SHC2: variants seen among roughly 807,000 people sequenced by gnomAD.
The protein encoded by SHC2 is SHC adaptor protein 2.
Under a neutral mutation model 60.6 loss-of-function variants are expected in SHC2, and 62 were observed. The observed-to-expected ratio is 1.02, with a 90% CI of 0.83 to 1.26. The LOEUF (loss-of-function observed/expected upper bound fraction) is 1.26, where lower values mean the gene tolerates loss of function less well. Among genes scored for constraint, SHC2 ranks in the 50% most tolerant of loss-of-function variants. The pLI is 0.00. For synonymous variants in SHC2, 375 were observed against 372.4 expected (o/e 1.01, Z -0.08); for missense variants, 873 against 822.2 (o/e 1.06, Z -0.76).
Position 445,299 on chromosome 19 carries a change from A to G in SHC2, c.469-4367T>C, listed in dbSNP as rs1250924701. ...CCTCAGGACTGGGATCAGTGCCCTT[A>G]TAAAAGAGACCCCAGACAGAGCCCA... On this transcript the variant is annotated intron_variant, in intron 1 of 12. Coordinates refer to ENST00000264554, the MANE Select transcript of SHC2 (RefSeq NM_012435.3). The surrounding 1 kb of genome is among the most constrained non-coding windows in gnomAD (Gnocchi z 4.4). 6.6e-6 allele frequency among the ~76,000 whole-genome samples: 1 copy of G among 152,158 alleles called. No homozygotes were observed. Among genetic ancestry groups the G allele is most frequent in the Non-Finnish European group, 1.5e-5 (1 of 68,032 alleles).
rs145912247 is a variant in SHC2, at chr19:456,682, G to A, written c.468+3847C>T. ...CACACGCACCAGGTCCGCTCCCTGC[G>A]TGGGGCCTTTGCACCTGCTGTGCCC... On this transcript the variant is annotated intron_variant, in intron 1 of 12. Coordinates refer to ENST00000264554, the MANE Select transcript of SHC2 (RefSeq NM_012435.3). 4.4e-3 allele frequency among the ~76,000 whole-genome samples: 646 copies of A among 145,644 alleles called. 4 individuals carry two copies. The highest frequency in any genetic ancestry group is 0.016 in the African/African-American group (605 of 38,314).
At chr19:444,115 G>C (rs1489799577) in intron 1 of SHC2, among the ~76,000 whole-genome samples, 1 of 151,798 alleles carries the variant, frequency 6.6e-6, no homozygotes, top group South Asian at 2.1e-4. Flanking sequence ...TGGATGGTTG[G>C]ATGGGTGGAC....
rs769333002 is a variant in SHC2 at position 422,157 on chromosome 19, G to C, written c.1609C>G (p.Pro537Ala). Residue 537 changes from proline (P) to alanine (A), a missense_variant, in exon 11 of 13, where the codon CCC becomes GCC. By Grantham distance (27) the Pro-to-Ala change is conservative. Transcript: ENST00000264554. This position sits in a 1 kb window ranked among gnomAD's most constrained non-coding sequence, Gnocchi z 5.0. Reference protein sequence around the residue: ...GQPKHLLLVDPEGVVRTKDVL... With the variant: ...GQPKHLLLVDAEGVVRTKDVL... ...TGTGCACAGCTTACCACGCCCTCGG[G>C]GTCCACGAGCAGCAGGTGCTTGGGC... The C allele has an allele frequency of 6.2e-7, 1 of 1,609,304 alleles. No homozygotes were observed. The highest frequency in any genetic ancestry group is 1.7e-5 in the Admixed American group (1 of 59,758).
In SHC2 at chr19:440,932, A is replaced by C; in HGVS notation, c.469T>G (p.Tyr157Asp). ...CGGAGAACCTCGATGCAGCCCATGT[A>C]CTGAGGGGAGAGAACAGGTGTCAGA... ...LGPGVSYVVR[Y>D]MGCIEVLRSM... The change falls in exon 2 of 13, where the codon TAC becomes GAC. Residue 157 changes from tyrosine (Y) to aspartate (D), a missense_variant and splice_region_variant. Physicochemically the swap from Tyr to Asp is radical, Grantham distance 160. Transcript: ENST00000264554. The surrounding 1 kb of genome is among the most constrained non-coding windows in gnomAD (Gnocchi z 7.0). The C allele has an allele frequency of 6.2e-7, 1 of 1,612,504 alleles. No homozygotes were observed. Among genetic ancestry groups the C allele is most frequent in the Non-Finnish European group, 8.5e-7 (1 of 1,179,496 alleles).
At chr19:428,901 T>C (rs1225577193) in intron 9 of SHC2, among the ~76,000 whole-genome samples, 2 of 150,656 alleles carry the variant, frequency 1.3e-5, no homozygotes, top group African/African-American at 4.9e-5. Context: ...ACGCAGTACC[T>C]ATATCCCAAC....
chr19:419,297 G>A (rs1974219493), intron 11 of SHC2: 1 of 480,806 alleles, frequency 2.1e-6, no homozygotes, highest in Non-Finnish European at 3.7e-6. Flanking sequence ...GAGCTGAAAG[G>A]TGACCGCGGG....
intron 9 of SHC2, among the ~76,000 whole-genome samples, chr19:430,237 A>G (rs570581062): frequency 6.0e-5 from 9 of 150,840 alleles, no homozygotes; most frequent in Non-Finnish European, 1.0e-4. Flanking sequence ...ATGTATATCC[A>G]ACGTGCACGG....
At chr19:457,211 C>T (rs112841465) in intron 1 of SHC2, among the ~76,000 whole-genome samples, 5 of 122,612 alleles carry the variant, frequency 4.1e-5, no homozygotes, top group Non-Finnish European at 6.8e-5. Flanking sequence ...GTCTGCAAAC[C>T]CCACCACATC....
rs1974777543 is a variant in SHC2 at position 438,723 on chromosome 19, GCGTGGC to G, written c.709_714del (p.Ala237_Thr238del). On this transcript the variant is annotated inframe_deletion, in exon 4 of 13. Coordinates refer to ENST00000264554, the MANE Select transcript of SHC2 (RefSeq NM_012435.3). This position sits in a 1 kb window ranked among gnomAD's most constrained non-coding sequence, Gnocchi z 5.0. ...GGCGAAGAGGGCAGACCCACCTGGC[GCGTGGC>G]AGGCACGGAGAGGCTGAGGCCATCA... 1 of 1,557,978 alleles carries G rather than the reference GCGTGGC, an allele frequency of 6.4e-7. No homozygotes were observed. The highest frequency in any genetic ancestry group is 8.7e-7 in the Non-Finnish European group (1 of 1,151,990).
At chr19:437,011 A>C (rs570016174) in intron 4 of SHC2, among the ~76,000 whole-genome samples, 3 of 151,842 alleles carry the variant, frequency 2.0e-5, no homozygotes, top group South Asian at 2.1e-4. Context: ...ACACACACAC[A>C]CCCCAAGCCC....
intron 12 of SHC2, among the ~76,000 whole-genome samples, chr19:417,591 A>G (rs1974182609): frequency 6.6e-6 from 1 of 152,216 alleles, no homozygotes; most frequent in Non-Finnish European, 1.5e-5. Flanking sequence ...TCAGAACCGA[A>G]GGGTTGAGCA....
rs1218632658 is a variant in SHC2 at position 440,628 on chromosome 19, C to T, written c.539+234G>A. Among the ~76,000 whole-genome samples, 2 of 152,176 alleles carry T rather than the reference C, an allele frequency of 1.3e-5. No homozygotes were observed. Among genetic ancestry groups the T allele is most frequent in the East Asian group, 1.9e-4 (1 of 5,178 alleles). The stretch of plus-strand genomic sequence containing the variant: ...ACTTGCCCAGCACCCTGTGAGCGAC[C>T]GGCGTGTTCTTTCCATCTTAGAGGA... On this transcript the variant is annotated intron_variant, in intron 2 of 12. Coordinates refer to ENST00000264554, the MANE Select transcript of SHC2 (RefSeq NM_012435.3). This position sits in a 1 kb window ranked among gnomAD's most constrained non-coding sequence, Gnocchi z 7.0.
rs1974369518 is a variant in SHC2 at position 424,870 on chromosome 19, G to A, written c.1309+227C>T. 6.6e-6 allele frequency among the ~76,000 whole-genome samples: 1 copy of A among 152,176 alleles called. No individual in the cohort carries two copies. The highest frequency in any genetic ancestry group is 1.5e-5 in the Non-Finnish European group (1 of 68,030). ...GAGAATGGGCCTCCCCTGTCAGACT[G>A]GCCCCTTTTAAGGCAGAGTCCAGGA... is the stretch of plus-strand genomic sequence containing the variant. On this transcript the variant is annotated intron_variant, in intron 10 of 12. Coordinates refer to ENST00000264554, the MANE Select transcript of SHC2 (RefSeq NM_012435.3). This position sits in a 1 kb window ranked among gnomAD's most constrained non-coding sequence, Gnocchi z 4.5.
chr19:436,610 A>AC lies in SHC2; in HGVS notation c.774+19dup. On this transcript the variant is annotated intron_variant, in intron 5 of 12. Coordinates refer to ENST00000264554, the MANE Select transcript of SHC2 (RefSeq NM_012435.3). ...AGGGGGGCGGCAGGGCTGCAGGTCC[A>AC]CCCCCATCCCTGGCCTCACCGTGTC... The AC allele has an allele frequency of 1.2e-6, 2 of 1,600,362 alleles. No homozygotes were observed. Among genetic ancestry groups the AC allele is most frequent in the South Asian group, 2.2e-5 (2 of 89,624 alleles).
chr19:454,190 G>A (rs1204397026), intron 1 of SHC2, among the ~76,000 whole-genome samples: 1 of 152,238 alleles, frequency 6.6e-6, no homozygotes, highest in Non-Finnish European at 1.5e-5. Context: ...CAACAGCACA[G>A]GCCACACCTC....
Position 441,098 on chromosome 19 carries a change from C to A in SHC2, c.469-166G>T. ...TGCCTCCCCCACCTCAAGGCCCAGC[C>A]TTGACACTGTCCTGCGAGCCGCCCC... On this transcript the variant is annotated intron_variant, in intron 1 of 12. Transcript: ENST00000264554. The surrounding 1 kb of genome is among the most constrained non-coding windows in gnomAD (Gnocchi z 4.9). 1 of 984,272 alleles carries A rather than the reference C, an allele frequency of 1.0e-6. No individual in the cohort carries two copies. The highest frequency in any genetic ancestry group is 1.1e-4 in the East Asian group (1 of 8,734). 61.0% of individuals were successfully genotyped at this position (984,272 alleles called of 1,614,324 possible).
rs572911013 is a variant in SHC2, at chr19:419,038, G to A, written c.1639C>T (p.Leu547=). Residue 547 remains leucine, a synonymous_variant, in exon 12 of 13, where the codon CTG becomes TTG. Transcript: ENST00000264554. ...PEGVVRTKDV[L]FESISHLIDH... is the part of the protein sequence containing the mutation. ...ATCAGGTGGCTGATGCTCTCAAACA[G>A]CACGTCCTTCGTCCGTACCTGCGGG... is the stretch of plus-strand genomic sequence containing the variant. 1 of 1,585,898 alleles carries A rather than the reference G, an allele frequency of 6.3e-7. No individual in the cohort carries two copies. Among genetic ancestry groups the A allele is most frequent in the East Asian group, 2.3e-5 (1 of 43,378 alleles).
intron 11 of SHC2, 186 bp from the exon 12 acceptor site, chr19:419,242 C>A: frequency 1.5e-6 from 1 of 647,074 alleles, no homozygotes; most frequent in East Asian, 3.0e-5. Context: ...CCCATGGGCA[C>A]GGGCTCTGAA....
intron 1 of SHC2, among the ~76,000 whole-genome samples, chr19:457,433 C>T (rs1167096950): frequency 8.2e-6 from 1 of 121,468 alleles, no homozygotes; most frequent in Non-Finnish European, 1.7e-5. Flanking sequence ...CAGGTCTCAG[C>T]TTCAAGGTCG....
Sources: gnomAD v4.1 joint callset for allele counts (sites outside exome capture counted in the v4.1 genomes callset) on GRCh38, gnomAD v4.1.1 for gene constraint, Gnocchi (gnomAD v3.1) non-coding constraint, MANE v1.5 for transcripts, NCBI Gene and HGNC (gene_info 2026-07-23, HGNC 2026-07-21) for gene names.